The following MARF1 variants were observed in gnomAD, a reference collection of about 807,000 sequenced individuals.
MARF1 encodes the protein limkain-b1.
MARF1 carries 24 observed loss-of-function variants against 168.2 expected under a neutral mutation model. The ratio of observed to expected loss-of-function variants is 0.14; its 90% confidence interval spans 0.10 to 0.20. MARF1 has a LOEUF of 0.20. MARF1 is among the 10% of genes least tolerant of loss of function. The probability of loss-of-function intolerance (pLI) is 1.00; values close to 1 mark genes in which losing one functional copy is unlikely to be tolerated. For synonymous variants in MARF1, 868 were observed against 822.4 expected, an observed-to-expected ratio of 1.06 and a Z score of -0.95; for missense variants, 1,744 against 2,143.6, an observed-to-expected ratio of 0.81 and a Z score of 3.68.
At chr16:15,633,206 C>T (rs901722965) in intron 5 of MARF1, among the ~76,000 whole-genome samples, 2 of 149,066 alleles carry the variant, frequency 1.3e-5, no homozygotes, top group Non-Finnish European at 3.0e-5. Flanking sequence ...CACACACACA[C>T]GTACAGCACT....
intron 1 of MARF1, 138 bp from the exon 2 acceptor site, chr16:15,639,429 C>A: frequency 1.6e-6 from 1 of 631,086 alleles, no homozygotes; most frequent in Non-Finnish European, 2.6e-6. Flanking sequence ...AAGAGGAAGT[C>A]TCGCTCTGTC....
At chr16:15,607,403 G>C (rs1221389458) in intron 21 of MARF1, among the ~76,000 whole-genome samples, 1 of 152,140 alleles carries the variant, frequency 6.6e-6, no homozygotes, top group Non-Finnish European at 1.5e-5. Context: ...ACAAAAACTA[G>C]CTGGGCGTAG....
At chr16:15,608,139 G>T in intron 21 of MARF1, 152 bp downstream of exon 21, 1 of 612,222 alleles carries the variant, frequency 1.6e-6, no homozygotes, top group Non-Finnish European at 2.8e-6. Context: ...AAGCACTAAT[G>T]ACACAAAACG....
chr16:15,631,387 C>G lies in MARF1; in HGVS notation c.1345G>C (p.Val449Leu). 1 of 1,607,066 alleles carries G rather than the reference C, an allele frequency of 6.2e-7. No individual in the cohort carries two copies. Among genetic ancestry groups the G allele is most frequent in the Non-Finnish European group, 8.5e-7 (1 of 1,174,088 alleles). ...CAGATGTTTCTGTACTTACTTGACA[C>G]AAGAACCACTGTGGCTGGAGCAGTG... Reference protein sequence around the residue: ...THTAPATVVLVSTDVNFALEL... With the variant: ...THTAPATVVLLSTDVNFALEL... The change falls in exon 6 of 27, where the codon GTG becomes CTG. Residue 449 changes from valine (V) to leucine (L), a missense_variant. Physicochemically the swap from Val to Leu is conservative, Grantham distance 32 (BLOSUM62 1). Around this residue, in one of 7 missense-constraint regions of MARF1, gnomAD observed 217 missense variants for 372.4 expected, o/e 0.58. Coordinates refer to ENST00000396368, the MANE Select transcript of MARF1 (RefSeq NM_014647.4).
chr16:15,601,870 A>T, intron 23 of MARF1, 121 bp downstream of exon 23: 1 of 807,576 alleles, frequency 1.2e-6, no homozygotes, highest in Non-Finnish European at 2.1e-6. Flanking sequence ...TATGTTTTGA[A>T]AGGATCAATT....
In MARF1 at chr16:15,635,847, T is replaced by C; in HGVS notation, c.640A>G (p.Ser214Gly). 2.5e-6 allele frequency: 4 copies of C among 1,614,158 alleles called. No individual in the cohort carries two copies. Among genetic ancestry groups the C allele is most frequent in the Non-Finnish European group, 3.4e-6 (4 of 1,180,026 alleles). Residue 214 changes from serine to glycine, a missense_variant, in exon 3 of 27, where the codon AGT becomes GGT. By Grantham distance (56) the Ser-to-Gly change is moderately conservative. Coordinates refer to ENST00000396368, the MANE Select transcript of MARF1 (RefSeq NM_014647.4). ...CCAGCGGAGGTGCAGCCCTGCAGAC[T>C]CGGAAACTGATGCAGCTTGTGCACA... ...GNVHKLHQFP[S>G]LQGCTSAGYF...
intron 5 of MARF1, among the ~76,000 whole-genome samples, chr16:15,633,175 CCACACACACACACACA>C (rs140240605): frequency 8.0e-5 from 11 of 136,928 alleles, no homozygotes; most frequent in African/African-American, 2.7e-4. Flanking sequence ...AAAAAAAACA[CCACACACACACACACA>C]CACACACACA....
intron 16 of MARF1, among the ~76,000 whole-genome samples, chr16:15,613,420 C>T (rs1003520475): frequency 1.1e-4 from 16 of 151,974 alleles, no homozygotes; most frequent in East Asian, 1.9e-4. Context: ...GAGGCTGAGG[C>T]GGGCGGATCA....
At chr16:15,631,583 A>T in intron 5 of MARF1, 85 bp from the exon 6 acceptor site, 2 of 873,566 alleles carry the variant, frequency 2.3e-6, no homozygotes, top group Middle Eastern at 3.4e-4. Context: ...TTTATTTTTT[A>T]AATTTTATTA....
At chr16:15,598,200 C>G (rs940303098) in intron 26 of MARF1, among the ~76,000 whole-genome samples, 1 of 152,190 alleles carries the variant, frequency 6.6e-6, no homozygotes, top group Non-Finnish European at 1.5e-5. Context: ...GCCCAGCAGC[C>G]CGGGGCCACT....
At position 15,625,356 on chromosome 16, in the gene MARF1, G is replaced by C. The variant is rs764951752; in HGVS notation, c.1953+16C>G. Reference sequence around the variant, plus strand: ...ACCTACCATAAACTTCAGAAAGCAAGAGGTATCAAAATTACCTGTAAACTT... The same window carrying C: ...ACCTACCATAAACTTCAGAAAGCAACAGGTATCAAAATTACCTGTAAACTT... On this transcript the variant is annotated intron_variant, in intron 8 of 26. Coordinates refer to ENST00000396368, the MANE Select transcript of MARF1 (RefSeq NM_014647.4). The C allele has an allele frequency of 6.3e-7, 1 of 1,588,092 alleles. No individual in the cohort carries two copies. Among genetic ancestry groups the C allele is most frequent in the Non-Finnish European group, 8.6e-7 (1 of 1,167,988 alleles).
intron 21 of MARF1, among the ~76,000 whole-genome samples, chr16:15,604,983 T>C (rs1052807308): frequency 2.6e-5 from 4 of 152,214 alleles, no homozygotes; most frequent in Non-Finnish European, 4.4e-5. Flanking sequence ...TCCTCAATTA[T>C]TTCAGATTCT....
intron 26 of MARF1, among the ~76,000 whole-genome samples, chr16:15,597,184 A>G (rs1424014401): frequency 6.6e-6 from 1 of 152,250 alleles, no homozygotes; most frequent in Non-Finnish European, 1.5e-5. Context: ...ATTTTGAGCT[A>G]TAAATGAATG....
At chr16:15,616,392 A>C (rs750287587) in intron 15 of MARF1, among the ~76,000 whole-genome samples, 7 of 152,184 alleles carry the variant, frequency 4.6e-5, no homozygotes, top group Non-Finnish European at 1.0e-4. Flanking sequence ...CTTTTCTCTC[A>C]CAAGTCTTGA....
At chr16:15,618,996 C>T (rs1439120645) in intron 13 of MARF1, among the ~76,000 whole-genome samples, 1 of 152,258 alleles carries the variant, frequency 6.6e-6, no homozygotes, top group African/African-American at 2.4e-5. Flanking sequence ...GTTACTCTGG[C>T]TGGACGTGGT....
At chr16:15,624,337 G>C (rs1438915165) in intron 10 of MARF1, among the ~76,000 whole-genome samples, 1 of 152,204 alleles carries the variant, frequency 6.6e-6, no homozygotes, top group Non-Finnish European at 1.5e-5. Flanking sequence ...CAAGCATCAA[G>C]AATTCCTTGG....
At chr16:15,603,243 AT>A (rs2032686488) in intron 22 of MARF1, among the ~76,000 whole-genome samples, 1 of 152,202 alleles carries the variant, frequency 6.6e-6, no homozygotes, top group South Asian at 2.1e-4. Flanking sequence ...ATTTAGGATC[AT>A]TTTAAGGGAC....
intron 12 of MARF1, among the ~76,000 whole-genome samples, chr16:15,621,012 C>T (rs1345566234): frequency 1.3e-5 from 2 of 152,086 alleles, no homozygotes; most frequent in Non-Finnish European, 2.9e-5. Context: ...GGGCCATAGG[C>T]CTGTGGATGG....
At position 15,604,185 on chromosome 16, in the gene MARF1, G is replaced by A. The variant is rs762449561; in HGVS notation, c.4396C>T (p.Leu1466=). The A allele has an allele frequency of 2.5e-6, 4 of 1,613,724 alleles. No homozygotes were observed. In the Admixed American group the frequency reaches 5.0e-5, roughly 20 times the overall value. ...FMTLTELLKS[L]PYLVEVFTND... is the part of the protein sequence containing the mutation. ...GTGCCTACCTCAACCAAGTATGGCA[G>A]GCTCTTCAGCAGTTCGGTCAAGGTC... Residue 1466 remains leucine (L), a synonymous_variant, in exon 22 of 27, where the codon CTG becomes TTG. Transcript: ENST00000396368.
Sources: gnomAD v4.1 joint callset for allele counts (sites outside exome capture counted in the v4.1 genomes callset) on GRCh38, gnomAD v4.1.1 for gene constraint, gnomAD v4.1.1 regional missense constraint, MANE v1.5 for transcripts, NCBI Gene and HGNC (gene_info 2026-07-23, HGNC 2026-07-21) for gene names.